Variants in SCARB2 observed in about 807,000 individuals in gnomAD.
SCARB2 encodes scavenger receptor class B member 2.
In SCARB2, 29 loss-of-function variants were observed where a neutral mutation model predicts 58.6. The ratio of observed to expected loss-of-function variants is 0.49; its 90% confidence interval spans 0.37 to 0.67. The LOEUF is 0.67. Among genes scored for constraint, SCARB2 ranks in the 30% least tolerant of loss-of-function variants. The pLI is 0.00. For missense variants in SCARB2, 488 were observed against 578.5 expected, an observed-to-expected ratio of 0.84 and a Z score of 1.60; for synonymous variants, 195 against 210.1, an observed-to-expected ratio of 0.93 and a Z score of 0.62.
upstream of SCARB2, chr4:76,217,742 T>A: frequency 7.9e-6 from 4 of 508,792 alleles, no homozygotes; most frequent in African/African-American, 1.9e-5. Flanking sequence ...AGACTGATGC[T>A]GTGGCAAGGA....
intron 9 of SCARB2, 77 bp downstream of exon 9, chr4:76,168,326 T>C: frequency 1.8e-6 from 2 of 1,098,954 alleles, no homozygotes; most frequent in South Asian, 2.5e-5. Flanking sequence ...TAGGCTGTAC[T>C]CCTCCTGACA....
chr4:76,187,530 C>A (rs115331419), intron 2 of SCARB2, among the ~76,000 whole-genome samples: 1 of 152,140 alleles, frequency 6.6e-6, no homozygotes, highest in Admixed American at 6.5e-5. Flanking sequence ...ATATAATCAT[C>A]ATTAAAATTC....
chr4:76,187,568 T>C (rs1448765389), intron 2 of SCARB2, among the ~76,000 whole-genome samples: 1 of 152,180 alleles, frequency 6.6e-6, no homozygotes. Flanking sequence ...AATATAACAT[T>C]GAAAAATCCT....
intron 2 of SCARB2, 85 bp from the exon 3 acceptor site, chr4:76,181,186 A>C: frequency 7.5e-7 from 1 of 1,335,646 alleles, no homozygotes. Flanking sequence ...TCCAAGTTAT[A>C]TTTTCAATAT....
chr4:76,179,985 G>A (rs1341737149), intron 3 of SCARB2: 1 of 459,536 alleles, frequency 2.2e-6, no homozygotes, highest in Admixed American at 3.4e-5. Flanking sequence ...AAAAGCTCTT[G>A]TAAACATGTG....
rs1731898551 is a variant in SCARB2 at position 76,161,568 on chromosome 4, C to T, written c.*145G>A. On this transcript the variant is annotated 3_prime_UTR_variant, in exon 12 of 12. Transcript: ENST00000264896. The stretch of plus-strand genomic sequence containing the variant: ...TGTCAGCCTGCTCTTTAACCTCTGG[C>T]CAGAATGTTCCTATCACTTGCCAGC... The T allele has an allele frequency of 1.1e-5, 9 of 826,798 alleles. No individual in the cohort carries two copies. The highest frequency in any genetic ancestry group is 1.7e-5 in the African/African-American group (1 of 59,764). 51.2% of individuals were successfully genotyped at this position (826,798 alleles called of 1,614,324 possible).
intron 4 of SCARB2, among the ~76,000 whole-genome samples, chr4:76,177,742 A>G (rs763607602): frequency 6.6e-6 from 1 of 152,222 alleles, no homozygotes; most frequent in African/African-American, 2.4e-5. Context: ...ATGAACCCTG[A>G]CAACATTACA....
chr4:76,214,285 G>C (rs1461255741), upstream of SCARB2: 1 of 456,170 alleles, frequency 2.2e-6, no homozygotes, highest in Non-Finnish European at 4.4e-6. Flanking sequence ...ATGCCAGCAA[G>C]CATGTTCTGC....
intron 2 of SCARB2, chr4:76,184,848 G>C (rs1465674680): frequency 3.0e-6 from 1 of 331,978 alleles, no homozygotes; most frequent in Non-Finnish European, 5.7e-6. Context: ...ATTCCTCCCA[G>C]TGGCAGACAC....
chr4:76,208,044 G>A (rs1345670664), intron 1 of SCARB2, among the ~76,000 whole-genome samples: 1 of 152,132 alleles, frequency 6.6e-6, no homozygotes, highest in Non-Finnish European at 1.5e-5. Context: ...TGCAGATTAC[G>A]ATCCCACAGC....
chr4:76,190,376 C>G (rs1053709701), intron 2 of SCARB2, among the ~76,000 whole-genome samples: 2 of 152,108 alleles, frequency 1.3e-5, no homozygotes, highest in Admixed American at 6.5e-5. Flanking sequence ...CAGGAGGAGA[C>G]AGCATTTGCA....
chr4:76,211,641 T>G (rs937945229), intron 1 of SCARB2, among the ~76,000 whole-genome samples: 6 of 152,166 alleles, frequency 3.9e-5, no homozygotes, highest in Non-Finnish European at 5.9e-5. Context: ...AGCTGGGACA[T>G]AGTGGAAGCT....
In SCARB2 at chr4:76,190,646, G is replaced by A. The variant is rs989288762; in HGVS notation, c.275+5061C>T. On this transcript the variant is annotated intron_variant, in intron 2 of 11. Coordinates refer to ENST00000264896, the MANE Select transcript of SCARB2 (RefSeq NM_005506.4). ...TAAAAATACAAAAAATTAGCCAGGC[G>A]TGGTGGCCGTGCCTGTAATCCCAGC... Among the ~76,000 whole-genome samples the A allele has an allele frequency of 3.3e-5, 5 of 152,200 alleles. No individual in the cohort carries two copies. The South Asian group carries it at 6.2e-4, about 19-fold the overall frequency.
chr4:76,204,350 A>C (rs1382009348), intron 1 of SCARB2, among the ~76,000 whole-genome samples: 1 of 152,104 alleles, frequency 6.6e-6, no homozygotes, highest in East Asian at 1.9e-4. Flanking sequence ...CTGTTGCTTA[A>C]CTCATTTTCA....
intron 7 of SCARB2, among the ~76,000 whole-genome samples, chr4:76,170,740 G>A (rs1454700015): frequency 6.6e-6 from 1 of 151,566 alleles, no homozygotes; most frequent in African/African-American, 2.4e-5. Context: ...GGCTGGTCTT[G>A]AACTCCTTAC....
intron 2 of SCARB2, chr4:76,193,698 T>A (rs556233141): frequency 2.6e-5 from 4 of 152,394 alleles, no homozygotes; most frequent in African/African-American, 9.6e-5. Context: ...TGCCCAATGC[T>A]GATACACCCA....
rs1731859131 is a variant in SCARB2, at chr4:76,159,845, C to T, written c.*1868G>A. 6.6e-6 allele frequency: 1 copy of T among 152,210 alleles called. No individual in the cohort carries two copies. The highest frequency in any genetic ancestry group is 2.1e-4 in the South Asian group (1 of 4,836). The allele number at this position is 152,210 out of a possible 1,614,324, so 9.4% of individuals were successfully genotyped here. On this transcript the variant is annotated 3_prime_UTR_variant, in exon 12 of 12. Transcript: ENST00000264896. ...TACAGTATTTAAAATATCCTCCTCA[C>T]AGATGATTATATCCTGATAATAGGA... is the stretch of plus-strand genomic sequence containing the variant.
rs185364914 is a variant in SCARB2, at chr4:76,232,847, T to C, written c.-358+1456A>G. Among the ~76,000 whole-genome samples, 4 of 152,258 alleles carry C rather than the reference T, an allele frequency of 2.6e-5. No homozygotes were observed. In the East Asian group the frequency reaches 7.7e-4, roughly 29 times the overall value. On this transcript the variant is annotated intron_variant, in intron 1 of 11. Transcript: ENST00000638295. ...AACATTTGATATTATGAAATAGTGT[T>C]CCAGATTACTATAAACAATTTTGCC...
At chr4:76,169,597 C>T (rs1408625162) in intron 8 of SCARB2, among the ~76,000 whole-genome samples, 2 of 152,164 alleles carry the variant, frequency 1.3e-5, no homozygotes, top group African/African-American at 2.4e-5. Context: ...TATATGGGTA[C>T]ATCAGTAGTT....
Sources: allele counts gnomAD v4.1 joint callset (sites outside exome capture counted in the v4.1 genomes callset), GRCh38; gene constraint gnomAD v4.1.1; transcripts MANE v1.5; gene names NCBI Gene and HGNC (gene_info 2026-07-23, HGNC 2026-07-21).